B3GLCT: variants seen among roughly 807,000 people sequenced by gnomAD.
B3GLCT encodes the protein beta 3-glucosyltransferase.
Under a neutral mutation model 63.4 loss-of-function variants are expected in B3GLCT, and 65 were observed. The ratio of observed to expected loss-of-function variants is 1.03; its 90% CI spans 0.84 to 1.26. B3GLCT has a LOEUF of 1.26. B3GLCT is among the 50% of genes most tolerant of loss of function. The pLI is 0.00. For synonymous variants in B3GLCT, 233 were observed against 219.2 expected (o/e 1.06, Z -0.55); for missense variants, 577 against 604.8 (o/e 0.95, Z 0.48).
intron 5 of B3GLCT, among the ~76,000 whole-genome samples, chr13:31,247,367 C>T (rs575793475): frequency 2.6e-5 from 4 of 152,162 alleles, no homozygotes; most frequent in African/African-American, 7.2e-5. Context: ...AGCTCTGCCT[C>T]ATGGGTTCAA....
intron 6 of B3GLCT, among the ~76,000 whole-genome samples, chr13:31,253,007 ACAGTCTCT>A (rs1336918070): frequency 6.6e-6 from 1 of 152,226 alleles, no homozygotes; most frequent in Non-Finnish European, 1.5e-5. Flanking sequence ...ATCATAACAA[ACAGTCTCT>A]CAGACCACAG....
chr13:31,226,872 T>C (rs866181070), intron 3 of B3GLCT, among the ~76,000 whole-genome samples: 12 of 152,300 alleles, frequency 7.9e-5, no homozygotes, highest in African/African-American at 2.9e-4. Context: ...AAATAAAATA[T>C]CACCTAGATT....
intron 6 of B3GLCT, among the ~76,000 whole-genome samples, chr13:31,249,082 G>T (rs1028230933): frequency 2.6e-5 from 4 of 152,176 alleles, no homozygotes; most frequent in Non-Finnish European, 5.9e-5. Flanking sequence ...CTCCTGAGAT[G>T]AATCAGATGT....
At chr13:31,277,119 G>A (rs1437930397) in intron 10 of B3GLCT, among the ~76,000 whole-genome samples, 3 of 152,190 alleles carry the variant, frequency 2.0e-5, no homozygotes, top group Admixed American at 2.0e-4. Context: ...CTCTAAACGG[G>A]ATGAAGAATG....
intron 2 of B3GLCT, among the ~76,000 whole-genome samples, chr13:31,222,010 GCC>G (rs1226656112): frequency 2.0e-5 from 3 of 151,400 alleles, no homozygotes; most frequent in Non-Finnish European, 2.9e-5. Flanking sequence ...GTATTTCTGT[GCC>G]CACATCCAGA....
chr13:31,238,331 A>G (rs941799964), intron 4 of B3GLCT, among the ~76,000 whole-genome samples: 3 of 152,254 alleles, frequency 2.0e-5, no homozygotes, highest in Non-Finnish European at 4.4e-5. Context: ...AGTTGTTAGT[A>G]GAAGAGTTAA....
At chr13:31,222,790 A>C (rs1869879954) in intron 2 of B3GLCT, among the ~76,000 whole-genome samples, 162 bp from the exon 3 acceptor site, 1 of 152,218 alleles carries the variant, frequency 6.6e-6, no homozygotes, top group Admixed American at 6.5e-5. Flanking sequence ...GTGGTCCCTT[A>C]GGTTTCGGTC....
chr13:31,310,275 C>T (rs993622898), intron 12 of B3GLCT, among the ~76,000 whole-genome samples: 47 of 152,144 alleles, frequency 3.1e-4, no homozygotes, highest in African/African-American at 1.1e-3. Context: ...CTTTGGGTCC[C>T]GTCTTGTGTT....
At position 31,316,409 on chromosome 13, in the gene B3GLCT, A is replaced by T. The variant is rs189868674; in HGVS notation, c.1065-1157A>T. ...GAATCAAGGAGATTTTGGAGGTTTT[A>T]TATATATATATATATATATATAAAT... On this transcript the variant is annotated intron_variant, in intron 12 of 14. Coordinates refer to ENST00000343307, the MANE Select transcript of B3GLCT (RefSeq NM_194318.4). Among the ~76,000 whole-genome samples the T allele has an allele frequency of 2.6e-3, 129 of 48,880 alleles. 2 individuals are homozygous for T. Among genetic ancestry groups the T allele is most frequent in the African/African-American group, 5.4e-3 (85 of 15,626 alleles). 32.1% of individuals were successfully genotyped at this position (48,880 alleles called of 152,430 possible).
At position 31,284,638 on chromosome 13, in the gene B3GLCT, A is replaced by AT. The variant is rs770082964; in HGVS notation, c.851-4dup. The AT allele has an allele frequency of 1.3e-5, 20 of 1,497,924 alleles. No homozygotes were observed. In the East Asian group the frequency reaches 3.6e-4, roughly 27 times the overall value. The allele number at this position is 1,497,924 out of a possible 1,614,324, so 92.8% of individuals were successfully genotyped here. On this transcript the variant is annotated splice_polypyrimidine_tract_variant and intron_variant, in intron 10 of 14. Coordinates refer to ENST00000343307, the MANE Select transcript of B3GLCT (RefSeq NM_194318.4). ...TGTGCCAGTGATTGTCACCTCTGTAATTTTTTCAGTACCTATTGTTAAGCA... is the reference window on the plus strand; with the variant it reads ...TGTGCCAGTGATTGTCACCTCTGTAATTTTTTTCAGTACCTATTGTTAAGCA...
At chr13:31,286,987 A>G (rs1873368432) in intron 12 of B3GLCT, among the ~76,000 whole-genome samples, 168 bp downstream of exon 12, 1 of 152,236 alleles carries the variant, frequency 6.6e-6, no homozygotes, top group African/African-American at 2.4e-5. Flanking sequence ...AAGGTTTTTA[A>G]CACACTGAAT....
chr13:31,231,068 A>G (rs1870357001), intron 4 of B3GLCT, among the ~76,000 whole-genome samples: 2 of 152,008 alleles, frequency 1.3e-5, no homozygotes. Flanking sequence ...GTTTTCTCCT[A>G]CTAAATCTTC....
At chr13:31,238,358 T>C (rs1010112448) in intron 4 of B3GLCT, among the ~76,000 whole-genome samples, 1 of 152,250 alleles carries the variant, frequency 6.6e-6, no homozygotes, top group Non-Finnish European at 1.5e-5. Flanking sequence ...TCCCTTGTTT[T>C]CTGCAACAAG....
intron 1 of B3GLCT, among the ~76,000 whole-genome samples, chr13:31,200,455 G>A (rs1427280702): frequency 5.3e-5 from 8 of 149,788 alleles, no homozygotes; most frequent in African/African-American, 1.9e-4. Context: ...CCGAACCGGC[G>A]GGCGACGGGG....
At chr13:31,258,036 A>T (rs1414109032) in intron 6 of B3GLCT, among the ~76,000 whole-genome samples, 3 of 152,178 alleles carry the variant, frequency 2.0e-5, no homozygotes, top group Non-Finnish European at 4.4e-5. Context: ...AACAAAGCAG[A>T]ATAAGGGAGT....
At chr13:31,290,590 G>A (rs576560615) in intron 12 of B3GLCT, among the ~76,000 whole-genome samples, 5 of 152,238 alleles carry the variant, frequency 3.3e-5, no homozygotes, top group South Asian at 4.1e-4. Flanking sequence ...TTGTGGTTTT[G>A]ATTTGCATTT....
At position 31,286,915 on chromosome 13, in the gene B3GLCT, C is replaced by T. The variant is rs932885715; in HGVS notation, c.1064+96C>T. ...ACTTTTTCTGGCCAAGATGAAGTAA[C>T]GGGGACGGGGTTTACCCTTCTATCT... On this transcript the variant is annotated intron_variant, in intron 12 of 14. Coordinates refer to ENST00000343307, the MANE Select transcript of B3GLCT (RefSeq NM_194318.4). 18 of 816,874 alleles carry T rather than the reference C, an allele frequency of 2.2e-5. No individual in the cohort carries two copies. The African/African-American group carries it at 2.2e-4, about 10-fold the overall frequency. The allele number at this position is 816,874 out of a possible 1,614,324, so 50.6% of individuals were successfully genotyped here.
rs553535562 is a variant in B3GLCT at position 31,278,221 on chromosome 13, G to A, written c.850+1450G>A. ...ACATTTTTCAGGTCACAGTGAAGCA[G>A]TAAAATTAGGGACACTCCCTGTTGT... is the stretch of plus-strand genomic sequence containing the variant. On this transcript the variant is annotated intron_variant, in intron 10 of 14. Coordinates refer to ENST00000343307, the MANE Select transcript of B3GLCT (RefSeq NM_194318.4). 3.9e-5 allele frequency among the ~76,000 whole-genome samples: 6 copies of A among 152,006 alleles called. 1 individual carries two copies. The East Asian group carries it at 1.2e-3, about 29-fold the overall frequency.
intron 1 of B3GLCT, among the ~76,000 whole-genome samples, chr13:31,207,976 T>C (rs1442051883): frequency 6.6e-6 from 1 of 152,210 alleles, no homozygotes; most frequent in Non-Finnish European, 1.5e-5. Context: ...CACTTAATTC[T>C]TGTTCCATTT....
Sources: allele counts gnomAD v4.1 joint callset (sites outside exome capture counted in the v4.1 genomes callset), GRCh38; gene constraint gnomAD v4.1.1; transcripts MANE v1.5; gene names NCBI Gene and HGNC (gene_info 2026-07-23, HGNC 2026-07-21).